SLC17A9: variants seen among roughly 807,000 people sequenced by gnomAD.
The protein encoded by SLC17A9 is voltage-gated purine nucleotide uniporter SLC17A9.
Under a neutral mutation model 55.0 loss-of-function variants are expected in SLC17A9, and 49 were observed. The observed-to-expected ratio is 0.89, with a 90% CI of 0.71 to 1.13. SLC17A9 has a LOEUF of 1.13. Among genes scored for constraint, SLC17A9 ranks in the 50% most tolerant of loss-of-function variants. The pLI is 0.00. For missense variants in SLC17A9, 526 were observed against 569.3 expected, an observed-to-expected ratio of 0.92 and a Z score of 0.77; for synonymous variants, 256 against 247.4, an observed-to-expected ratio of 1.03 and a Z score of -0.32.
chr20:62,957,138 G>A (rs544382824), intron 2 of SLC17A9, 176 bp downstream of exon 2: 4 of 982,988 alleles, frequency 4.1e-6, no homozygotes, highest in African/African-American at 3.5e-5. Flanking sequence ...CAGAGGATGC[G>A]ACTCCTGGGG....
rs373641959 is a variant in SLC17A9, at chr20:62,965,738, T to C, written c.1061+13T>C. The stretch of plus-strand genomic sequence containing the variant: ...CCTTCAACCACAGGTGAGGGCCGAC[T>C]GCTCCATCCACCAGAGCGCCGTGCT... On this transcript the variant is annotated intron_variant, in intron 10 of 12. Transcript: ENST00000370351. 6.6e-5 allele frequency: 107 copies of C among 1,612,242 alleles called. No homozygotes were observed. The African/African-American group carries it at 1.2e-3, about 18-fold the overall frequency.
intron 2 of SLC17A9, 88 bp downstream of exon 2, chr20:62,957,050 C>T (rs951021488): frequency 8.9e-6 from 14 of 1,576,638 alleles, no homozygotes; most frequent in African/African-American, 8.1e-5. Context: ...TGCTGCTGCA[C>T]GCAGAGGATG....
At chr20:62,957,903 CTGTG>C (rs150146892) in intron 3 of SLC17A9, among the ~76,000 whole-genome samples, 4 of 150,170 alleles carry the variant, frequency 2.7e-5, no homozygotes, top group East Asian at 2.0e-4. Context: ...ATGCGTGCAC[CTGTG>C]TGTGTGTGCG....
intron 8 of SLC17A9, 21 bp from the exon 9 acceptor site, chr20:62,965,111 T>C (rs577567097): frequency 1.1e-5 from 18 of 1,613,772 alleles, no homozygotes; most frequent in Non-Finnish European, 1.3e-5. Context: ...CGGGAGCCCC[T>C]TCCTTGGCCT....
rs1361648542 is a variant in SLC17A9, at chr20:62,969,121, A to G, written c.*1621A>G. On this transcript the variant is annotated 3_prime_UTR_variant, in exon 13 of 13. Coordinates refer to ENST00000370351, the MANE Select transcript of SLC17A9 (RefSeq NM_022082.4). Reference sequence around the variant, plus strand: ...TGGCAGTTGCTGTCTGGAGGCCAGGAAGCCAAGCCCAGGAAGCCCACCTGC... The same window carrying G: ...TGGCAGTTGCTGTCTGGAGGCCAGGGAGCCAAGCCCAGGAAGCCCACCTGC... 11 of 152,166 alleles carry G rather than the reference A, an allele frequency of 7.2e-5. No homozygotes were observed. Among genetic ancestry groups the G allele is most frequent in the Non-Finnish European group, 4.4e-5 (3 of 68,032 alleles). 9.4% of individuals were successfully genotyped at this position (152,166 alleles called of 1,614,324 possible).
At chr20:62,964,656 C>T (rs2065618977) in intron 8 of SLC17A9, among the ~76,000 whole-genome samples, 1 of 152,200 alleles carries the variant, frequency 6.6e-6, no homozygotes, top group South Asian at 2.1e-4. Context: ...TGGGATGAGC[C>T]CCGAGCGGGC....
chr20:62,967,271 C>A, intron 12 of SLC17A9, 66 bp from the exon 13 acceptor site: 4 of 1,586,708 alleles, frequency 2.5e-6, no homozygotes, highest in Non-Finnish European at 3.4e-6. Flanking sequence ...ACCTTGGGAA[C>A]CAGGGTGGGG....
At position 62,967,903 on chromosome 20, in the gene SLC17A9, ATG is replaced by A. The variant is rs1568919549; in HGVS notation, c.*406_*407del. 1 of 169,826 alleles carries A rather than the reference ATG, an allele frequency of 5.9e-6. No individual in the cohort carries two copies. The highest frequency in any genetic ancestry group is 2.4e-5 in the African/African-American group (1 of 41,708). 10.5% of individuals were successfully genotyped at this position (169,826 alleles called of 1,614,324 possible). On this transcript the variant is annotated 3_prime_UTR_variant, in exon 13 of 13. Coordinates refer to ENST00000370351, the MANE Select transcript of SLC17A9 (RefSeq NM_022082.4). The stretch of plus-strand genomic sequence containing the variant: ...AGCCTCCTGCAGCGCCCGCCTGCCA[ATG>A]TGAGGCTGGCACCAGGCTGCAGCCT...
At chr20:62,966,841 A>G in intron 12 of SLC17A9, 109 bp downstream of exon 12, 3 of 1,394,880 alleles carry the variant, frequency 2.2e-6, no homozygotes, top group South Asian at 1.3e-5. Flanking sequence ...TCCGGGTGTC[A>G]GAGGAGGGCA....
chr20:62,957,662 G>A (rs2065549259), intron 3 of SLC17A9, 82 bp downstream of exon 3: 3 of 1,243,876 alleles, frequency 2.4e-6, no homozygotes, highest in Non-Finnish European at 3.2e-6. Context: ...TGTGTGTGCA[G>A]GTGCATGCGT....
chr20:62,953,090 C>A, intron 1 of SLC17A9: 1 of 1,320,020 alleles, frequency 7.6e-7, no homozygotes, highest in South Asian at 1.3e-5. Flanking sequence ...CATGAGATTC[C>A]AGGACCGGAC....
At chr20:62,964,090 C>G (rs1230768334) in intron 7 of SLC17A9, 138 bp from the exon 8 acceptor site, 3 of 840,894 alleles carry the variant, frequency 3.6e-6, no homozygotes, top group Admixed American at 3.8e-5. Flanking sequence ...GCTGCACATT[C>G]CCAGGAGCAG....
intron 3 of SLC17A9, 125 bp from the exon 4 acceptor site, chr20:62,960,379 G>T (rs776066076): frequency 9.7e-6 from 8 of 828,640 alleles, no homozygotes; most frequent in African/African-American, 5.1e-5. Context: ...CTGGTCCCTC[G>T]GGTGGGGAGG....
At position 62,967,454 on chromosome 20, in the gene SLC17A9, G is replaced by C; in HGVS notation, c.1265G>C (p.Gly422Ala). The C allele has an allele frequency of 1.2e-6, 2 of 1,614,138 alleles. No individual in the cohort carries two copies. The highest frequency in any genetic ancestry group is 1.7e-6 in the Non-Finnish European group (2 of 1,180,012). Residue 422 changes from glycine (G) to alanine (A), a missense_variant, in exon 13 of 13, where the codon GGA becomes GCA. Physicochemically the swap from Gly to Ala is moderately conservative, Grantham distance 60 (BLOSUM62 0). Transcript: ENST00000370351. ...NLGLCTFLVF[G>A]QAQRVDLSST... ...GGGCTGTGCACCTTCCTGGTGTTTG[G>C]ACAGGCTCAGAGGGTGGACCTGAGC...
At chr20:62,953,297 C>A in intron 1 of SLC17A9, 1 of 1,544,872 alleles carries the variant, frequency 6.5e-7, no homozygotes, top group Non-Finnish European at 8.8e-7. Context: ...CTGGAGCCTG[C>A]AGCTGGACGG....
intron 9 of SLC17A9, 116 bp downstream of exon 9, chr20:62,965,282 G>A (rs1601098546): frequency 1.5e-6 from 2 of 1,352,958 alleles, no homozygotes; most frequent in Non-Finnish European, 2.1e-6. Context: ...CAAATGCCAG[G>A]CCTCTCCATG....
rs1271146920 is a variant in SLC17A9 at position 62,968,783 on chromosome 20, T to C, written c.*1283T>C. 1 of 151,994 alleles carries C rather than the reference T, an allele frequency of 6.6e-6. No individual in the cohort carries two copies. Among genetic ancestry groups the C allele is most frequent in the African/African-American group, 2.4e-5 (1 of 41,356 alleles). 9.4% of individuals were successfully genotyped at this position (151,994 alleles called of 1,614,324 possible). ...AGCAGAGCCAGGCTGGGTTTCGGGG[T>C]TCCTTTGCCGCCAGGGGTCCTGCGT... is the stretch of plus-strand genomic sequence containing the variant. On this transcript the variant is annotated 3_prime_UTR_variant, in exon 13 of 13. Transcript: ENST00000370351.
At chr20:62,956,668 C>A in intron 1 of SLC17A9, 97 bp from the exon 2 acceptor site, 1 of 1,157,314 alleles carries the variant, frequency 8.6e-7, no homozygotes, top group Non-Finnish European at 1.2e-6. Context: ...CATTCACAGT[C>A]CATGTCCCCC....
rs774158879 is a variant in SLC17A9, at chr20:62,960,515, C to T, written c.409C>T (p.Pro137Ser). 1 of 1,613,222 alleles carries T rather than the reference C, an allele frequency of 6.2e-7. No individual in the cohort carries two copies. The change falls in exon 4 of 13, where the codon CCT becomes TCT. Residue 137 changes from proline to serine, a missense_variant. Transcript: ENST00000370351. Reference sequence around the variant, plus strand: ...TCCACTTGTTGCAGGGGTTTACTTCCCTGCCCTGACCAGCCTGCTGTCGCA... The same window carrying T: ...TCCACTTGTTGCAGGGGTTTACTTCTCTGCCCTGACCAGCCTGCTGTCGCA... ...LMGLLQGVYF[P>S]ALTSLLSQKV...
Sources: allele counts gnomAD v4.1 joint callset (sites outside exome capture counted in the v4.1 genomes callset), GRCh38; gene constraint gnomAD v4.1.1; transcripts MANE v1.5; gene names NCBI Gene and HGNC (gene_info 2026-07-23, HGNC 2026-07-21).